SDHAF3: variants seen among roughly 807,000 people sequenced by gnomAD.
SDHAF3 encodes the protein succinate dehydrogenase assembly factor 3, mitochondrial.
Under a neutral mutation model 11.5 loss-of-function variants are expected in SDHAF3, and 18 were observed. The ratio of observed to expected loss-of-function variants is 1.56; its 90% CI spans 1.08 to 2.32. The LOEUF is 2.32. SDHAF3 is among the 30% of genes most tolerant of loss of function. The pLI is 0.00. For synonymous variants in SDHAF3, 72 were observed against 59.3 expected (o/e 1.21, Z -0.99); for missense variants, 200 against 154.4 (o/e 1.30, Z -1.57).
chr7:97,136,109 C>T (rs964398457), intron 1 of SDHAF3, among the ~76,000 whole-genome samples: 7 of 130,390 alleles, frequency 5.4e-5, no homozygotes, highest in African/African-American at 1.8e-4. Context: ...GTTAATGTTT[C>T]ACCTGCAATA....
intron 1 of SDHAF3, among the ~76,000 whole-genome samples, chr7:97,145,337 G>A (rs1789119991): frequency 6.6e-6 from 1 of 151,994 alleles, no homozygotes. Flanking sequence ...TTTACATTCT[G>A]ACTAGTACAT....
chr7:97,150,263 A>G (rs1483430151), intron 1 of SDHAF3, among the ~76,000 whole-genome samples: 1 of 152,214 alleles, frequency 6.6e-6, no homozygotes, highest in East Asian at 1.9e-4. Context: ...ATCTGCTCCC[A>G]TGAATCACAA....
At chr7:97,175,604 A>G (rs1429793430) in intron 1 of SDHAF3, among the ~76,000 whole-genome samples, 2 of 152,188 alleles carry the variant, frequency 1.3e-5, no homozygotes, top group African/African-American at 2.4e-5. Context: ...CAGTAATTTA[A>G]TAGTATCAAT....
chr7:97,173,538 A>G (rs1317668471), intron 1 of SDHAF3, among the ~76,000 whole-genome samples: 1 of 135,680 alleles, frequency 7.4e-6, no homozygotes, highest in Non-Finnish European at 1.5e-5. Flanking sequence ...GTCACCTCCA[A>G]AATTAGAATT....
At position 97,117,759 on chromosome 7, in the gene SDHAF3, G is replaced by A. The variant is rs1456115154; in HGVS notation, c.36G>A (p.Leu12=). 3.1e-6 allele frequency: 5 copies of A among 1,614,004 alleles called. No individual in the cohort carries two copies. In the East Asian group the frequency reaches 8.9e-5, roughly 29 times the overall value. Residue 12 remains leucine, a synonymous_variant, in exon 1 of 2, where the codon TTG becomes TTA. Transcript: ENST00000432641. The part of the protein sequence containing the change: ...PGRHVSRVRA[L]YKRVLQLHRV... ...GGCACGTTTCTCGAGTCCGGGCATT[G>A]TACAAGCGCGTCTTGCAGCTGCACC...
intron 1 of SDHAF3, among the ~76,000 whole-genome samples, chr7:97,168,494 G>A (rs1163433336): frequency 1.3e-5 from 2 of 152,208 alleles, no homozygotes; most frequent in African/African-American, 4.8e-5. Flanking sequence ...GAATGAATAA[G>A]GATACCTTGG....
intron 1 of SDHAF3, among the ~76,000 whole-genome samples, chr7:97,160,365 G>T (rs941109018): frequency 6.6e-6 from 1 of 151,720 alleles, no homozygotes; most frequent in East Asian, 1.9e-4. Flanking sequence ...GCCTCTGCCC[G>T]GCCGCCCCAT....
chr7:97,139,789 C>T (rs1789002027), intron 1 of SDHAF3, among the ~76,000 whole-genome samples: 1 of 152,332 alleles, frequency 6.6e-6, no homozygotes, highest in East Asian at 1.9e-4. Flanking sequence ...AGTCTTTCTT[C>T]TTTCTTATCC....
chr7:97,141,606 T>G (rs1400134406), intron 1 of SDHAF3, among the ~76,000 whole-genome samples: 2 of 152,114 alleles, frequency 1.3e-5, no homozygotes, highest in Non-Finnish European at 2.9e-5. Context: ...CCCACGACCC[T>G]GAGATTAAGA....
chr7:97,157,356 C>T (rs1789319233), intron 1 of SDHAF3, among the ~76,000 whole-genome samples: 1 of 152,102 alleles, frequency 6.6e-6, no homozygotes, highest in Non-Finnish European at 1.5e-5. Context: ...GGAATTCCAA[C>T]CTTGTAGTTA....
intron 1 of SDHAF3, among the ~76,000 whole-genome samples, chr7:97,148,528 C>A (rs1427722745): frequency 2.0e-5 from 3 of 152,146 alleles, no homozygotes; most frequent in Admixed American, 2.0e-4. Flanking sequence ...AAAAGCAAGA[C>A]CCTGTCTCTT....
chr7:97,118,489 C>T (rs1791443345), intron 1 of SDHAF3, among the ~76,000 whole-genome samples: 2 of 151,430 alleles, frequency 1.3e-5, no homozygotes, highest in African/African-American at 2.4e-5. Context: ...ATTGTTACTT[C>T]GCCCTGCACC....
chr7:97,123,928 T>G (rs1219773651), intron 1 of SDHAF3, among the ~76,000 whole-genome samples: 1 of 152,054 alleles, frequency 6.6e-6, no homozygotes, highest in African/African-American at 2.4e-5. Flanking sequence ...TTGCAAAAAT[T>G]TTCTCCCGTT....
chr7:97,153,503 G>A (rs1789256827), intron 1 of SDHAF3, among the ~76,000 whole-genome samples: 1 of 152,192 alleles, frequency 6.6e-6, no homozygotes, highest in African/African-American at 2.4e-5. Flanking sequence ...TGAAGCTGCA[G>A]TAAACATCCG....
intron 1 of SDHAF3, among the ~76,000 whole-genome samples, chr7:97,173,583 C>G (rs1296930139): frequency 7.1e-6 from 1 of 141,002 alleles, no homozygotes; most frequent in South Asian, 2.3e-4. Context: ...GTCTCACTCT[C>G]TCTCTCTCAC....
At position 97,152,714 on chromosome 7, in the gene SDHAF3, A is replaced by G. The variant is rs141304802; in HGVS notation, c.175-28298A>G. ...GCCCAGGCTGGATTGCAATGGCGCA[A>G]TCTCAGGTCACTGCAACCCCTGCCT... On this transcript the variant is annotated intron_variant, in intron 1 of 1. Coordinates refer to ENST00000432641, the MANE Select transcript of SDHAF3 (RefSeq NM_020186.3). Among the ~76,000 whole-genome samples the G allele has an allele frequency of 3.1e-4, 47 of 152,234 alleles. No homozygotes were observed. The South Asian group carries it at 9.3e-3, about 30-fold the overall frequency.
chr7:97,178,308 A>G (rs1263477417), intron 1 of SDHAF3, among the ~76,000 whole-genome samples: 1 of 152,082 alleles, frequency 6.6e-6, no homozygotes, highest in Non-Finnish European at 1.5e-5. Flanking sequence ...GTGGACATCT[A>G]GGTTATTTTC....
At chr7:97,132,850 G>A (rs1253975562) in intron 1 of SDHAF3, among the ~76,000 whole-genome samples, 1 of 152,044 alleles carries the variant, frequency 6.6e-6, no homozygotes, top group Non-Finnish European at 1.5e-5. Context: ...GATCATATAG[G>A]GTCTGGTAAT....
intron 1 of SDHAF3, among the ~76,000 whole-genome samples, chr7:97,157,726 A>C (rs146147007): frequency 0.025 from 3,807 of 152,278 alleles, 147 homozygotes; most frequent in African/African-American, 0.087. Context: ...CCAAATGTCC[A>C]ACAATGATAG....
Sources: allele counts gnomAD v4.1 joint callset (sites outside exome capture counted in the v4.1 genomes callset), GRCh38; gene constraint gnomAD v4.1.1; transcripts MANE v1.5; gene names NCBI Gene and HGNC (gene_info 2026-07-23, HGNC 2026-07-21).